KCNIP4: variants seen among roughly 807,000 people sequenced by gnomAD.
KCNIP4 encodes the protein potassium voltage-gated channel interacting protein 4.
Under a neutral mutation model 34.0 loss-of-function variants are expected in KCNIP4, and 12 were observed. That is an observed-to-expected ratio of 0.35 (90% CI 0.23 to 0.57). The LOEUF (loss-of-function observed/expected upper bound fraction) is 0.57, where lower values mean the gene tolerates loss of function less well. KCNIP4 is among the 20% of genes least tolerant of loss of function. KCNIP4 has a pLI of 0.83. For missense variants in KCNIP4, 238 were observed against 311.7 expected (o/e 0.76, Z 1.78); for synonymous variants, 124 against 102.2 (o/e 1.21, Z -1.29).
chr4:21,586,396 G>T (rs917386352), intron 1 of KCNIP4, among the ~76,000 whole-genome samples: 4 of 152,012 alleles, frequency 2.6e-5, no homozygotes, highest in Non-Finnish European at 5.9e-5. Flanking sequence ...CAGAGTTCCA[G>T]CATCTAAATG....
intron 1 of KCNIP4, among the ~76,000 whole-genome samples, chr4:21,438,768 T>C (rs1727178905): frequency 6.6e-6 from 1 of 152,206 alleles, no homozygotes; most frequent in African/African-American, 2.4e-5. Context: ...TAAATGTTCA[T>C]TTGAGGTTAT....
intron 1 of KCNIP4, among the ~76,000 whole-genome samples, chr4:21,026,094 A>G (rs1157532756): frequency 2.0e-5 from 3 of 152,174 alleles, no homozygotes; most frequent in Non-Finnish European, 4.4e-5. Context: ...GTGATAACCC[A>G]TAATGAGGCA....
chr4:21,911,212 A>G (rs1210123401), intron 1 of KCNIP4, among the ~76,000 whole-genome samples: 1 of 152,208 alleles, frequency 6.6e-6, no homozygotes, highest in Non-Finnish European at 1.5e-5. Flanking sequence ...AAGATATGAA[A>G]GATGGAAGGT....
At chr4:21,133,657 C>CA (rs5856604) in intron 1 of KCNIP4, among the ~76,000 whole-genome samples, 76,761 of 151,956 alleles carry the variant, frequency 0.51, 20,291 homozygotes, top group African/African-American at 0.66. Context: ...AAATGCCATT[C>CA]CTATTTGCTA....
intron 3 of KCNIP4, among the ~76,000 whole-genome samples, chr4:20,798,522 C>A (rs535278583): frequency 6.7e-6 from 1 of 148,772 alleles, no homozygotes; most frequent in South Asian, 2.2e-4. Flanking sequence ...CAGACACACA[C>A]ATACACACAC....
At chr4:21,006,365 T>C (rs13149657) in intron 1 of KCNIP4, among the ~76,000 whole-genome samples, 21,424 of 152,206 alleles carry the variant, frequency 0.14, 1,941 homozygotes, top group South Asian at 0.2. Flanking sequence ...GAGGTAACTT[T>C]TGAATTTCTT....
At chr4:21,580,900 T>C (rs1294802524) in intron 1 of KCNIP4, among the ~76,000 whole-genome samples, 3 of 152,064 alleles carry the variant, frequency 2.0e-5, no homozygotes, top group Non-Finnish European at 4.4e-5. Flanking sequence ...TTTCTCCTTT[T>C]GTAAGGATAT....
chr4:20,958,104 G>C (rs1354778806), intron 1 of KCNIP4, among the ~76,000 whole-genome samples: 1 of 152,174 alleles, frequency 6.6e-6, no homozygotes, highest in African/African-American at 2.4e-5. Flanking sequence ...TGGGTCTCTT[G>C]TTTCCTTAGT....
At chr4:20,952,548 C>T (rs569569334) in intron 1 of KCNIP4, among the ~76,000 whole-genome samples, 4 of 152,034 alleles carry the variant, frequency 2.6e-5, no homozygotes, top group South Asian at 2.1e-4. Flanking sequence ...TCATAAGAAA[C>T]CATGTAAGGT....
chr4:21,666,590 T>C (rs1158302801), intron 1 of KCNIP4, among the ~76,000 whole-genome samples: 1 of 152,234 alleles, frequency 6.6e-6, no homozygotes, highest in Admixed American at 6.5e-5. Flanking sequence ...TGGTCTCTAC[T>C]GATTTGAACA....
chr4:21,516,726 A>T (rs138227405), intron 1 of KCNIP4, among the ~76,000 whole-genome samples: 63 of 152,222 alleles, frequency 4.1e-4, no homozygotes, highest in African/African-American at 1.5e-3. Flanking sequence ...AAGTTTAGGA[A>T]CATGAAGTTG....
intron 3 of KCNIP4, among the ~76,000 whole-genome samples, chr4:20,772,340 A>C (rs1364060080): frequency 6.6e-6 from 1 of 152,196 alleles, no homozygotes; most frequent in African/African-American, 2.4e-5. Flanking sequence ...GACTACGCAC[A>C]GGAGCGTAAC....
chr4:20,834,505 C>T (rs1718809176), intron 3 of KCNIP4, among the ~76,000 whole-genome samples: 1 of 152,070 alleles, frequency 6.6e-6, no homozygotes, highest in South Asian at 2.1e-4. Context: ...GGGGTTTCAC[C>T]TACATGGAGC....
chr4:21,064,097 T>C (rs1744148683), intron 1 of KCNIP4, among the ~76,000 whole-genome samples: 1 of 152,154 alleles, frequency 6.6e-6, no homozygotes, highest in Admixed American at 6.6e-5. Flanking sequence ...AAATAGTAAT[T>C]ATTTTTTCTT....
intron 1 of KCNIP4, among the ~76,000 whole-genome samples, chr4:20,937,033 G>T (rs934204500): frequency 2.6e-5 from 4 of 151,882 alleles, no homozygotes; most frequent in African/African-American, 9.7e-5. Flanking sequence ...CTCCAGTACA[G>T]GTTTGGCATT....
rs183381408 is a variant in KCNIP4, at chr4:21,121,663, A to G, written c.62-238954T>C. Among the ~76,000 whole-genome samples, 27 of 152,354 alleles carry G rather than the reference A, an allele frequency of 1.8e-4. No individual in the cohort carries two copies. The East Asian group carries it at 4.8e-3, about 27-fold the overall frequency. On this transcript the variant is annotated intron_variant, in intron 1 of 8. Coordinates refer to ENST00000382152, the MANE Select transcript of KCNIP4 (RefSeq NM_025221.6). ...CGGAACTACATATTTCTCATTGGTA[A>G]AATACAATCATGTAAAGGAGAAGTA...
At chr4:21,594,773 A>G (rs1742493063) in intron 1 of KCNIP4, among the ~76,000 whole-genome samples, 1 of 151,890 alleles carries the variant, frequency 6.6e-6, no homozygotes, top group African/African-American at 2.4e-5. Flanking sequence ...GCACATAAGA[A>G]CAAACCACAT....
At position 21,272,713 on chromosome 4, in the gene KCNIP4, C is replaced by A. The variant is rs758514220; in HGVS notation, c.62-390004G>T. ...ATTCACACCTTCATAAGCCATGACA[C>A]CATTCTCACTGTATTTCATTTTAAT... On this transcript the variant is annotated intron_variant, in intron 1 of 8. Transcript: ENST00000382152. Among the ~76,000 whole-genome samples, 135 of 152,134 alleles carry A rather than the reference C, an allele frequency of 8.9e-4. 3 individuals are homozygous for A. The highest frequency in any genetic ancestry group is 3.9e-4 in the Admixed American group (6 of 15,268).
intron 3 of KCNIP4, among the ~76,000 whole-genome samples, chr4:20,824,817 T>A (rs1363908646): frequency 1.5e-5 from 1 of 66,742 alleles, no homozygotes; most frequent in Non-Finnish European, 3.4e-5. Flanking sequence ...TGGATTCTCA[T>A]AATTGCTTTT....
Sources: allele counts gnomAD v4.1 joint callset (sites outside exome capture counted in the v4.1 genomes callset), GRCh38; gene constraint gnomAD v4.1.1; transcripts MANE v1.5; gene names NCBI Gene and HGNC (gene_info 2026-07-23, HGNC 2026-07-21).